The following ZNF461 variants were observed in gnomAD, a reference collection of about 807,000 sequenced individuals.
ZNF461 encodes zinc finger protein 461, also known as gonadotropin-inducible ovarian transcription factor-1.
A neutral mutation model predicts 18.3 loss-of-function variants in ZNF461; 16 were observed. The ratio of observed to expected loss-of-function variants is 0.88; its 90% CI spans 0.59 to 1.33. The LOEUF is 1.33. Ranked by LOEUF, ZNF461 falls within the 40% of genes most tolerant of loss-of-function variation. ZNF461 has a pLI of 0.00. For synonymous variants in ZNF461, 179 were observed against 216.9 expected (o/e 0.83, Z 1.54); for missense variants, 595 against 669.9 (o/e 0.89, Z 1.23).
chr19:36,639,459 T>C lies in ZNF461; in HGVS notation c.886A>G (p.Thr296Ala). The C allele has an allele frequency of 3.1e-6, 5 of 1,613,984 alleles. No individual in the cohort carries two copies. Among genetic ancestry groups the C allele is most frequent in the Non-Finnish European group, 4.2e-6 (5 of 1,179,980 alleles). ...SELTLHQRIH[T>A]GEKPYECKEC... The stretch of plus-strand genomic sequence containing the variant: ...TTACATTCATAAGGTTTCTCACCAG[T>C]GTGAATTCTTTGATGTAGAGTAAGT... The change falls in exon 6 of 6, where the codon ACT (threonine) becomes GCT (alanine). Residue 296 changes from threonine to alanine, a missense_variant. By Grantham distance (58) the Thr-to-Ala change is moderately conservative. Coordinates refer to ENST00000588268, the MANE Select transcript of ZNF461 (RefSeq NM_153257.5).
chr19:36,657,223 G>C (rs534058302), intron 3 of ZNF461, among the ~76,000 whole-genome samples: 2 of 151,644 alleles, frequency 1.3e-5, no homozygotes. Context: ...GCTCACACCT[G>C]TAATCCCAGC....
Position 36,639,278 on chromosome 19 carries a change from G to A in ZNF461, c.1067C>T (p.Pro356Leu), listed in dbSNP as rs774334104. 3.1e-6 allele frequency: 5 copies of A among 1,614,024 alleles called. No individual in the cohort carries two copies. Among genetic ancestry groups the A allele is most frequent in the Non-Finnish European group, 4.2e-6 (5 of 1,180,006 alleles). ...EHLRLHTGEK[P>L]YECKECGKTF... ...CTTTCCACATTCTTTACATTCATAA[G>A]GTTTCTCTCCAGTATGGAGTCGCAG... is the stretch of plus-strand genomic sequence containing the variant. The change falls in exon 6 of 6, where the codon CCT becomes CTT. Residue 356 changes from proline to leucine, a missense_variant. Coordinates refer to ENST00000588268, the MANE Select transcript of ZNF461 (RefSeq NM_153257.5).
At chr19:36,648,529 A>G (rs1219276557) in intron 4 of ZNF461, among the ~76,000 whole-genome samples, 2 of 151,766 alleles carry the variant, frequency 1.3e-5, no homozygotes, top group African/African-American at 4.8e-5. Context: ...CATCCTATTG[A>G]GTGTGAGGTG....
Position 36,637,748 on chromosome 19 carries a change from T to G in ZNF461, c.*905A>C, listed in dbSNP as rs2037324658. On this transcript the variant is annotated 3_prime_UTR_variant, in exon 6 of 6. Transcript: ENST00000588268. ...ATGAGAATGTGTAATAAATCACATATTATGAATAACCTACTTTTGTCCAAA... is the reference window on the plus strand; with the variant it reads ...ATGAGAATGTGTAATAAATCACATAGTATGAATAACCTACTTTTGTCCAAA... 2.6e-6 allele frequency: 1 copy of G among 386,856 alleles called. No homozygotes were observed. 24.0% of individuals were successfully genotyped at this position (386,856 alleles called of 1,614,324 possible). A position where few individuals can be genotyped will look rare whatever the true frequency, so the allele number is the denominator to read the frequency against.
chr19:36,638,513 C>A lies in ZNF461; in HGVS notation c.*140G>T. On this transcript the variant is annotated 3_prime_UTR_variant, in exon 6 of 6. Coordinates refer to ENST00000588268, the MANE Select transcript of ZNF461 (RefSeq NM_153257.5). ...AGCATTAAAATGAGACCAAAATTTA[C>A]ACTTTAGTTATCCACTTTCTCACTT... The A allele has an allele frequency of 1.5e-6, 1 of 645,960 alleles. No homozygotes were observed. Among genetic ancestry groups the A allele is most frequent in the Non-Finnish European group, 2.5e-6 (1 of 405,870 alleles). 40.0% of individuals were successfully genotyped at this position (645,960 alleles called of 1,614,324 possible).
At chr19:36,650,731 T>C (rs1312781289) in intron 4 of ZNF461, among the ~76,000 whole-genome samples, 2 of 151,896 alleles carry the variant, frequency 1.3e-5, no homozygotes, top group Non-Finnish European at 1.5e-5. Context: ...AAAAGCATAA[T>C]ATACCATGAC....
chr19:36,644,579 G>GT (rs199702922), intron 4 of ZNF461, among the ~76,000 whole-genome samples: 18,885 of 148,416 alleles, frequency 0.13, 1,924 homozygotes, highest in East Asian at 0.56. Context: ...AGTTTTTTGT[G>GT]TTTTTTTTTG....
intron 4 of ZNF461, among the ~76,000 whole-genome samples, chr19:36,651,233 G>GA (rs34091845): frequency 0.014 from 1,158 of 82,746 alleles, 20 homozygotes; most frequent in African/African-American, 0.045. Context: ...TCCGTCTCAG[G>GA]AAAAAAAAAA....
At chr19:36,642,202 G>A (rs2037437872) in intron 5 of ZNF461, among the ~76,000 whole-genome samples, 4 of 152,166 alleles carry the variant, frequency 2.6e-5, no homozygotes, top group Admixed American at 2.6e-4. Context: ...GAAGTGCTGA[G>A]ATTATAGGCA....
intron 4 of ZNF461, among the ~76,000 whole-genome samples, chr19:36,651,095 G>A (rs2037617140): frequency 6.6e-6 from 1 of 152,008 alleles, no homozygotes; most frequent in Admixed American, 6.5e-5. Context: ...GCCATGCATG[G>A]TGGCAGACGC....
intron 5 of ZNF461, among the ~76,000 whole-genome samples, chr19:36,641,680 G>T (rs187865403): frequency 3.9e-4 from 59 of 151,566 alleles, no homozygotes; most frequent in Non-Finnish European, 1.9e-4. Flanking sequence ...TTAAGGAAAA[G>T]GAATTAAGAT....
At chr19:36,641,978 C>T (rs1464830) in intron 5 of ZNF461, among the ~76,000 whole-genome samples, 53,185 of 151,886 alleles carry the variant, frequency 0.35, 9,449 homozygotes, top group East Asian at 0.57. Flanking sequence ...AGAGTGAGCG[C>T]AGTGGTGCAA....
rs1259706368 is a variant in ZNF461, at chr19:36,639,684, A to C, written c.661T>G (p.Cys221Gly). The part of the protein sequence containing the change: ...KRTHSKELSE[C>G]KECTEIVNTP... ...TTAACAATTTCTGTGCATTCTTTAC[A>C]TTCAGAAAGTTCTTTAGAATGAGTT... Residue 221 changes from cysteine to glycine, a missense_variant, in exon 6 of 6, where the codon TGT (cysteine) becomes GGT (glycine). Physicochemically the swap from Cys to Gly is radical, Grantham distance 159. Coordinates refer to ENST00000588268, the MANE Select transcript of ZNF461 (RefSeq NM_153257.5). 6.2e-7 allele frequency: 1 copy of C among 1,613,884 alleles called. No individual in the cohort carries two copies. The highest frequency in any genetic ancestry group is 2.2e-5 in the East Asian group (1 of 44,874).
intron 4 of ZNF461, among the ~76,000 whole-genome samples, chr19:36,653,216 C>T (rs2037659223): frequency 6.6e-6 from 1 of 152,038 alleles, no homozygotes; most frequent in African/African-American, 2.4e-5. Flanking sequence ...TATTACACCA[C>T]CCAGCAACTA....
intron 3 of ZNF461, among the ~76,000 whole-genome samples, chr19:36,657,279 G>A (rs1401405134): frequency 1.3e-5 from 2 of 151,852 alleles, no homozygotes; most frequent in South Asian, 4.2e-4. Flanking sequence ...TCAGGAATTC[G>A]AGACCAGCCT....
intron 4 of ZNF461, among the ~76,000 whole-genome samples, chr19:36,648,882 C>T (rs2037576007): frequency 6.6e-6 from 1 of 152,036 alleles, no homozygotes; most frequent in South Asian, 2.1e-4. Context: ...TGCCCAGCCT[C>T]ATTGTGGTTG....
At chr19:36,655,709 A>G (rs1256564695) in intron 4 of ZNF461, among the ~76,000 whole-genome samples, 1 of 152,218 alleles carries the variant, frequency 6.6e-6, no homozygotes, top group Non-Finnish European at 1.5e-5. Flanking sequence ...TTTTGTTGCC[A>G]GTGCTTTTGG....
chr19:36,641,754 AT>A, intron 5 of ZNF461, among the ~76,000 whole-genome samples: 1 of 152,130 alleles, frequency 6.6e-6, no homozygotes, highest in African/African-American at 2.4e-5. Context: ...TAAATTTGTA[AT>A]AACTACTGAA....
At chr19:36,655,921 A>G (rs534127115) in intron 4 of ZNF461, among the ~76,000 whole-genome samples, 265 of 151,280 alleles carry the variant, frequency 1.8e-3, no homozygotes, top group African/African-American at 6.2e-3. Context: ...AAGTGTTGGC[A>G]CCCTTGTCTA....
Sources: gnomAD v4.1 joint callset for allele counts (sites outside exome capture counted in the v4.1 genomes callset) on GRCh38, gnomAD v4.1.1 for gene constraint, MANE v1.5 for transcripts, NCBI Gene and HGNC (gene_info 2026-07-23, HGNC 2026-07-21) for gene names.